TAS2R1: variants seen among roughly 807,000 people sequenced by gnomAD.
TAS2R1 encodes taste receptor type 2 member 1.
For missense variants in TAS2R1, 370 were observed against 353.4 expected (o/e 1.05, Z -0.38); for synonymous variants, 141 against 134.2 (o/e 1.05, Z -0.35).
chr5:9,639,558 T>C (rs943226277), intron 2 of TAS2R1, among the ~76,000 whole-genome samples: 79 of 152,200 alleles, frequency 5.2e-4, no homozygotes, highest in Non-Finnish European at 9.3e-4. Context: ...GCAGTGGTTC[T>C]TGGAGCAAAA....
At chr5:9,714,850 G>C (rs1390249753), upstream of TAS2R1, among the ~76,000 whole-genome samples, 1 of 152,208 alleles carries the variant, frequency 6.6e-6, no homozygotes, top group African/African-American at 2.4e-5. Context: ...CATGCAATAT[G>C]TGTGCAACAT....
At chr5:9,683,069 T>C (rs940376452) in intron 1 of TAS2R1, among the ~76,000 whole-genome samples, 13 of 152,232 alleles carry the variant, frequency 8.5e-5, no homozygotes, top group African/African-American at 3.1e-4. Context: ...AGAGTATTGT[T>C]ATTTAAAGTA....
At chr5:9,785,000 G>C in the TAS2R1 span, among the ~76,000 whole-genome samples, 1 of 152,140 alleles carries the variant, frequency 6.6e-6, no homozygotes, top group Non-Finnish European at 1.5e-5. Flanking sequence ...ACCCAGAACA[G>C]TATCCCATGT....
At chr5:9,768,213 C>A in the TAS2R1 span, among the ~76,000 whole-genome samples, 11 of 152,194 alleles carry the variant, frequency 7.2e-5, no homozygotes, top group Non-Finnish European at 1.5e-5. Context: ...CTGCACATGG[C>A]TGGCATCTTC....
the TAS2R1 span, among the ~76,000 whole-genome samples, chr5:9,796,781 C>T: frequency 6.7e-6 from 1 of 150,202 alleles, no homozygotes; most frequent in African/African-American, 2.5e-5. Flanking sequence ...GCCAGTGGCA[C>T]CACACCAATT....
the TAS2R1 span, among the ~76,000 whole-genome samples, chr5:9,791,086 A>C: frequency 6.6e-6 from 1 of 152,236 alleles, no homozygotes; most frequent in African/African-American, 2.4e-5. Context: ...TTGACTAAGA[A>C]TATTAACAAG....
chr5:9,840,857 ATTTTTTTTTTTTTT>A, the TAS2R1 span, among the ~76,000 whole-genome samples: 884 of 132,100 alleles, frequency 6.7e-3, 13 homozygotes, highest in African/African-American at 0.02. Flanking sequence ...TTATTTATTT[ATTTTTTTTTTTTTT>A]TTTTTTTTTT....
chr5:9,676,788 T>C (rs1397735249), intron 1 of TAS2R1, among the ~76,000 whole-genome samples: 1 of 152,142 alleles, frequency 6.6e-6, no homozygotes, highest in Non-Finnish European at 1.5e-5. Flanking sequence ...TATTGGCTTA[T>C]GAAAAAAACA....
At chr5:9,801,313 G>C in the TAS2R1 span, among the ~76,000 whole-genome samples, 1 of 152,238 alleles carries the variant, frequency 6.6e-6, no homozygotes, top group African/African-American at 2.4e-5. Flanking sequence ...CACCAGAACT[G>C]AGAGAAATCA....
chr5:9,892,183 A>G, the TAS2R1 span, among the ~76,000 whole-genome samples: 2 of 152,118 alleles, frequency 1.3e-5, no homozygotes, highest in Non-Finnish European at 2.9e-5. Flanking sequence ...CCTAATGTAG[A>G]GCAGCCAGCC....
At chr5:9,898,657 C>T in the TAS2R1 span, among the ~76,000 whole-genome samples, 17 of 152,266 alleles carry the variant, frequency 1.1e-4, no homozygotes, top group African/African-American at 4.1e-4. Context: ...TTAGAAACTC[C>T]TCAAGTCCCT....
At chr5:9,725,802 G>A in the TAS2R1 span, among the ~76,000 whole-genome samples, 1 of 152,256 alleles carries the variant, frequency 6.6e-6, no homozygotes, top group Non-Finnish European at 1.5e-5. Flanking sequence ...TGCGTCTGGT[G>A]GGGACGTGGA....
chr5:9,846,072 A>AT, the TAS2R1 span, among the ~76,000 whole-genome samples: 1 of 152,178 alleles, frequency 6.6e-6, no homozygotes, highest in Non-Finnish European at 1.5e-5. Flanking sequence ...GCAATAAACT[A>AT]TTTTTTAATA....
the TAS2R1 span, among the ~76,000 whole-genome samples, chr5:9,807,433 A>G: frequency 6.6e-6 from 1 of 152,206 alleles, no homozygotes; most frequent in African/African-American, 2.4e-5. Flanking sequence ...TCATTGTACG[A>G]AAAAGATACT....
chr5:9,869,540 G>T, the TAS2R1 span, among the ~76,000 whole-genome samples: 1 of 152,184 alleles, frequency 6.6e-6, no homozygotes, highest in African/African-American at 2.4e-5. Context: ...TTCAAGATGA[G>T]ATTAGGGTGG....
intron 1 of TAS2R1, among the ~76,000 whole-genome samples, chr5:9,674,617 T>C (rs1740833221): frequency 6.6e-6 from 1 of 152,182 alleles, no homozygotes; most frequent in Admixed American, 6.6e-5. Flanking sequence ...GGGTTTAATA[T>C]ATGTAATTGT....
At chr5:9,694,107 C>T (rs565358841) in intron 1 of TAS2R1, among the ~76,000 whole-genome samples, 10 of 152,080 alleles carry the variant, frequency 6.6e-5, no homozygotes, top group Non-Finnish European at 1.0e-4. Flanking sequence ...AATTCACAAA[C>T]GAAGGTTTGT....
At chr5:9,668,436 G>A (rs1740683314) in intron 1 of TAS2R1, among the ~76,000 whole-genome samples, 1 of 151,966 alleles carries the variant, frequency 6.6e-6, no homozygotes, top group South Asian at 2.1e-4. Flanking sequence ...TTACAAGATG[G>A]CAATTCCCAG....
At chr5:9,733,573 A>C in the TAS2R1 span, among the ~76,000 whole-genome samples, 2 of 152,248 alleles carry the variant, frequency 1.3e-5, no homozygotes, top group South Asian at 4.1e-4. Context: ...AAGAAACCCA[A>C]AACATTAGCA....
Sources: allele counts gnomAD v4.1 joint callset (sites outside exome capture counted in the v4.1 genomes callset), GRCh38; gene constraint gnomAD v4.1.1; transcripts MANE v1.5; gene names NCBI Gene and HGNC (gene_info 2026-07-23, HGNC 2026-07-21).